The following RAPGEFL1 variants were observed in gnomAD, a reference collection of about 807,000 sequenced individuals.
RAPGEFL1 encodes the protein rap guanine nucleotide exchange factor-like 1.
In RAPGEFL1, 31 loss-of-function variants were observed where a neutral mutation model predicts 64.4. The ratio of observed to expected loss-of-function variants is 0.48; its 90% CI spans 0.36 to 0.65. The LOEUF is 0.65. Among genes scored for constraint, RAPGEFL1 ranks in the 30% least tolerant of loss-of-function variants. RAPGEFL1 has a pLI of 0.00. For missense variants in RAPGEFL1, 682 were observed against 677.4 expected, an observed-to-expected ratio of 1.01 and a Z score of -0.08; for synonymous variants, 331 against 274.1, an observed-to-expected ratio of 1.21 and a Z score of -2.05.
chr17:40,179,789 G>C (rs760375438), intron 1 of RAPGEFL1, among the ~76,000 whole-genome samples: 1 of 152,166 alleles, frequency 6.6e-6, no homozygotes, highest in African/African-American at 2.4e-5. Flanking sequence ...CCTCGGCAGG[G>C]AACCCCAACC....
upstream of RAPGEFL1, chr17:40,177,275 T>C: frequency 1.4e-6 from 1 of 702,596 alleles, no homozygotes; most frequent in Non-Finnish European, 2.6e-6. Flanking sequence ...CCAGGAATCC[T>C]TCCCCATTGG....
At chr17:40,180,413 C>T (rs918687850) in intron 1 of RAPGEFL1, among the ~76,000 whole-genome samples, 2 of 152,062 alleles carry the variant, frequency 1.3e-5, no homozygotes, top group East Asian at 3.9e-4. Flanking sequence ...GAATGAGAAT[C>T]AGCTTAACCT....
intron 4 of RAPGEFL1, among the ~76,000 whole-genome samples, chr17:40,186,913 A>G (rs994286109): frequency 5.3e-5 from 8 of 150,728 alleles, no homozygotes; most frequent in African/African-American, 9.7e-5. Flanking sequence ...AAAAAAAAGT[A>G]GTGAAAACAG....
chr17:40,191,349 C>T lies in RAPGEFL1; in HGVS notation c.1369C>T (p.Arg457Cys). The change falls in exon 9 of 15, where the codon CGC becomes TGC. Residue 457 changes from arginine to cysteine, a missense_variant. Arg to Cys is a radical substitution (Grantham distance 180). This residue lies in a region of RAPGEFL1 where 411 missense variants were observed against 519.4 expected (regional missense o/e 0.79). Coordinates refer to ENST00000620260, the MANE Select transcript of RAPGEFL1 (RefSeq NM_016339.6). The surrounding 1 kb of genome is among the most constrained non-coding windows in gnomAD (Gnocchi z 5.1). Reference protein sequence around the residue: ...EFVDYVFHGERGRRETANLEL... With the variant: ...EFVDYVFHGECGRRETANLEL... Reference sequence around the variant, plus strand: ...CGTGGACTACGTGTTCCACGGGGAGCGCGGCCGCCGGGAGACGGCCAACTT... The same window carrying T: ...CGTGGACTACGTGTTCCACGGGGAGTGCGGCCGCCGGGAGACGGCCAACTT... The T allele has an allele frequency of 6.3e-7, 1 of 1,590,598 alleles. No homozygotes were observed.
Position 40,178,077 on chromosome 17 carries a change from C to A in RAPGEFL1, c.216C>A (p.Pro72=), listed in dbSNP as rs1479466270. The A allele has an allele frequency of 1.8e-5, 11 of 604,482 alleles. No homozygotes were observed. The highest frequency in any genetic ancestry group is 7.9e-5 in the African/African-American group (4 of 50,936). 37.4% of individuals were successfully genotyped at this position (604,482 alleles called of 1,614,324 possible). A position where few individuals can be genotyped will look rare whatever the true frequency, so the allele number is the denominator to read the frequency against. The change falls in exon 1 of 15, where the codon CCC becomes CCA. Residue 72 remains proline (P), a synonymous_variant. Coordinates refer to ENST00000620260, the MANE Select transcript of RAPGEFL1 (RefSeq NM_016339.6). The part of the protein sequence containing the change: ...LLLPAFLREP[P]AEPGLEPPPE... Reference sequence around the variant, plus strand: ...TCCCCGCTTTCCTCCGGGAGCCCCCCGCCGAGCCGGGGCTGGAGCCGCCCC... The same window carrying A: ...TCCCCGCTTTCCTCCGGGAGCCCCCAGCCGAGCCGGGGCTGGAGCCGCCCC...
At position 40,181,617 on chromosome 17, in the gene RAPGEFL1, TA is replaced by T; in HGVS notation, c.523del (p.Ile175SerfsTer46). On this transcript the variant is annotated frameshift_variant and splice_region_variant, in exon 2 of 15. Coordinates refer to ENST00000620260, the MANE Select transcript of RAPGEFL1 (RefSeq NM_016339.6). LOFTEE classifies it high-confidence loss of function. Reference protein sequence around the residue: ...GATRDSAASDILLDDIVLTHS... With the variant: ...GATRDSAASDXLLDDIVLTHS... ...TGTGGTGCCCACTGATCTTTACAGA[TA>T]TCCTGCTGGATGACATTGTCCTTAC... 1.4e-6 allele frequency: 1 copy of T among 702,740 alleles called. No homozygotes were observed. The highest frequency in any genetic ancestry group is 2.6e-6 in the Non-Finnish European group (1 of 384,804). The allele number at this position is 702,740 out of a possible 1,614,324, so 43.5% of individuals were successfully genotyped here.
chr17:40,185,799 AAAAAG>A (rs1446304431), intron 4 of RAPGEFL1, among the ~76,000 whole-genome samples: 48 of 150,376 alleles, frequency 3.2e-4, no homozygotes, highest in African/African-American at 4.9e-4. Context: ...AAAAAAAAAA[AAAAAG>A]AAAAGAAAAA....
chr17:40,187,856 G>A (rs374661463), intron 4 of RAPGEFL1, among the ~76,000 whole-genome samples: 3 of 147,978 alleles, frequency 2.0e-5, no homozygotes, highest in African/African-American at 7.5e-5. Context: ...CTCGTGATCC[G>A]CCCGCCTTGG....
At chr17:40,192,856 G>C in intron 12 of RAPGEFL1, 70 bp from the exon 13 acceptor site, 2 of 1,419,966 alleles carry the variant, frequency 1.4e-6, no homozygotes, top group Non-Finnish European at 2.0e-6. Context: ...CGGGGTCCTC[G>C]GGTGCAGTGG....
chr17:40,183,112 C>A (rs1317905601), intron 2 of RAPGEFL1, among the ~76,000 whole-genome samples: 1 of 152,114 alleles, frequency 6.6e-6, no homozygotes, highest in Non-Finnish European at 1.5e-5. Flanking sequence ...CATGCCATTG[C>A]ACTCCAGCCT....
At chr17:40,189,171 G>A (rs1474005439) in intron 5 of RAPGEFL1, 37 bp from the exon 6 acceptor site, 4 of 1,603,562 alleles carry the variant, frequency 2.5e-6, no homozygotes, top group Non-Finnish European at 2.6e-6. Context: ...CTGCCACTCT[G>A]CCCTCTGTTG....
chr17:40,191,237 T>C lies in RAPGEFL1; in HGVS notation c.1336-79T>C, dbSNP rs981181090. The stretch of plus-strand genomic sequence containing the variant: ...CCGCCCTCCTGCCTTTCGCTCCTCA[T>C]CGCCTTGCACTGCCATCTTCCCACC... On this transcript the variant is annotated intron_variant, in intron 8 of 14. Transcript: ENST00000620260. The surrounding 1 kb of genome is among the most constrained non-coding windows in gnomAD (Gnocchi z 5.1). The C allele has an allele frequency of 6.5e-6, 8 of 1,229,658 alleles. No individual in the cohort carries two copies. The African/African-American group carries it at 1.3e-4, about 19-fold the overall frequency. 76.2% of individuals were successfully genotyped at this position (1,229,658 alleles called of 1,614,324 possible).
chr17:40,191,369 C>A lies in RAPGEFL1; in HGVS notation c.1389C>A (p.Ala463=), dbSNP rs765419833. 5 of 1,596,900 alleles carry A rather than the reference C, an allele frequency of 3.1e-6. No individual in the cohort carries two copies. Among genetic ancestry groups the A allele is most frequent in the Non-Finnish European group, 4.2e-6 (5 of 1,177,058 alleles). ...GGGAGCGCGGCCGCCGGGAGACGGC[C>A]AACTTGGAGCTGCTGCTGCAGCGCT... is the stretch of plus-strand genomic sequence containing the variant. ...FHGERGRRET[A]NLELLLQRCS... is the part of the protein sequence containing the mutation. Residue 463 remains alanine, a synonymous_variant, in exon 9 of 15, where the codon GCC becomes GCA. Transcript: ENST00000620260. The surrounding 1 kb of genome is among the most constrained non-coding windows in gnomAD (Gnocchi z 5.1).
chr17:40,190,732 C>G lies in RAPGEFL1; in HGVS notation c.1305C>G (p.Phe435Leu). ...PEDVANHLTA[F>L]HWELFRCVHE... ...ACGTTGCCAACCACCTAACTGCCTT[C>G]CACTGGGAGCTGTTCCGATGTGTGC... The change falls in exon 8 of 15, where the codon TTC (phenylalanine) becomes TTG (leucine). Residue 435 changes from phenylalanine to leucine, a missense_variant. By Grantham distance (22) the Phe-to-Leu change is conservative. This residue lies in a region of RAPGEFL1 where 411 missense variants were observed against 519.4 expected (regional missense o/e 0.79). Transcript: ENST00000620260. 6.2e-7 allele frequency: 1 copy of G among 1,614,148 alleles called. No homozygotes were observed. Among genetic ancestry groups the G allele is most frequent in the Non-Finnish European group, 8.5e-7 (1 of 1,180,018 alleles).
Position 40,191,577 on chromosome 17 carries a change from C to G in RAPGEFL1, c.1515-5C>G, listed in dbSNP as rs1411799426. 1 of 1,604,596 alleles carries G rather than the reference C, an allele frequency of 6.2e-7. No homozygotes were observed. On this transcript the variant is annotated splice_region_variant and splice_polypyrimidine_tract_variant and intron_variant, in intron 9 of 14. Coordinates refer to ENST00000620260, the MANE Select transcript of RAPGEFL1 (RefSeq NM_016339.6). The surrounding 1 kb of genome is among the most constrained non-coding windows in gnomAD (Gnocchi z 5.1). ...CGCCCCTGACCCCGCCTCCCACCCC[C>G]GCAGCTGCAAGCAGAACCAGGACCT...
Position 40,177,937 on chromosome 17 carries a change from G to C in RAPGEFL1, c.76G>C (p.Gly26Arg). 4 of 428,468 alleles carry C rather than the reference G, an allele frequency of 9.3e-6. No individual in the cohort carries two copies. The highest frequency in any genetic ancestry group is 1.7e-5 in the Non-Finnish European group (4 of 241,154). The allele number at this position is 428,468 out of a possible 1,614,324, so 26.5% of individuals were successfully genotyped here. A position where few individuals can be genotyped will look rare whatever the true frequency, so the allele number is the denominator to read the frequency against. The change falls in exon 1 of 15, where the codon GGG (glycine) becomes CGG (arginine). Residue 26 changes from glycine (G) to arginine (R), a missense_variant. Gly to Arg is a moderately radical substitution (Grantham distance 125). This residue lies in a region of RAPGEFL1 where 271 missense variants were observed against 158.0 expected (regional missense o/e 1.72). Coordinates refer to ENST00000620260, the MANE Select transcript of RAPGEFL1 (RefSeq NM_016339.6). Reference sequence around the variant, plus strand: ...CCGAACGGTGGCGGGAGGTCCCGGCGGGGGTCTGGGGAGCTGCGGTGGGCC... The same window carrying C: ...CCGAACGGTGGCGGGAGGTCCCGGCCGGGGTCTGGGGAGCTGCGGTGGGCC... The part of the protein sequence containing the change: ...AGRTVAGGPG[G>R]GLGSCGGPGG...
At chr17:40,178,924 G>C (rs1989809328) in intron 1 of RAPGEFL1, among the ~76,000 whole-genome samples, 1 of 152,174 alleles carries the variant, frequency 6.6e-6, no homozygotes, top group Admixed American at 6.5e-5. Flanking sequence ...AGTTTGGTGG[G>C]GGGGATAGTA....
rs368873031 is a variant in RAPGEFL1 at position 40,190,651 on chromosome 17, C to G, written c.1224C>G (p.Pro408=). Residue 408 remains proline (P), a synonymous_variant, in exon 8 of 15, where the codon CCC becomes CCG. Transcript: ENST00000620260. Reference sequence around the variant, plus strand: ...CTGCCTGCCACCAGGTGCCCCTCCCCGAGGAGATCCAGGTCTCCCCTGGAG... The same window carrying G: ...CTGCCTGCCACCAGGTGCCCCTCCCGGAGGAGATCCAGGTCTCCCCTGGAG... ...RDSYEALVPL[P]EEIQVSPGDT... 2 of 1,613,986 alleles carry G rather than the reference C, an allele frequency of 1.2e-6. No homozygotes were observed. The highest frequency in any genetic ancestry group is 2.7e-5 in the African/African-American group (2 of 74,916).
In RAPGEFL1 at chr17:40,193,347, C is replaced by T. The variant is rs1205899970; in HGVS notation, c.1810-16C>T. On this transcript the variant is annotated splice_polypyrimidine_tract_variant and intron_variant, in intron 13 of 14. Transcript: ENST00000620260. Reference sequence around the variant, plus strand: ...TTCTGTGCCCCTTTCAAGGCTCATTCCTTGTCATCTCCCAGCATTCAGTGG... The same window carrying T: ...TTCTGTGCCCCTTTCAAGGCTCATTTCTTGTCATCTCCCAGCATTCAGTGG... 6.2e-7 allele frequency: 1 copy of T among 1,614,134 alleles called. No homozygotes were observed. Among genetic ancestry groups the T allele is most frequent in the Non-Finnish European group, 8.5e-7 (1 of 1,179,974 alleles).
Sources: allele counts gnomAD v4.1 joint callset (sites outside exome capture counted in the v4.1 genomes callset), GRCh38; gene constraint gnomAD v4.1.1; regional missense constraint gnomAD v4.1.1; non-coding constraint Gnocchi (gnomAD v3.1); transcripts MANE v1.5; gene names NCBI Gene and HGNC (gene_info 2026-07-23, HGNC 2026-07-21).